The following TDRD12 variants were observed in gnomAD, a reference collection of about 807,000 sequenced individuals.
The protein encoded by TDRD12 is tudor domain containing 12.
In TDRD12, 158 loss-of-function variants were observed where a neutral mutation model predicts 133.5. That is an observed-to-expected ratio of 1.18 (90% confidence interval 1.04 to 1.35). TDRD12 has a LOEUF of 1.35. TDRD12 is among the 40% of genes most tolerant of loss of function. TDRD12 has a pLI of 0.00. For missense variants in TDRD12, 1,443 were observed against 1,321.3 expected (o/e 1.09, Z -1.43); for synonymous variants, 460 against 477.9 (o/e 0.96, Z 0.49).
chr19:32,813,996 C>T (rs944823548), intron 25 of TDRD12, among the ~76,000 whole-genome samples: 2 of 152,324 alleles, frequency 1.3e-5, no homozygotes, highest in African/African-American at 4.8e-5. Context: ...CCAGCGCACA[C>T]GTGCATTGTG....
In TDRD12 at chr19:32,780,114, C is replaced by T. The variant is rs368736793; in HGVS notation, c.1121+2885C>T. Among the ~76,000 whole-genome samples the T allele has an allele frequency of 2.2e-4, 29 of 134,348 alleles. No individual in the cohort carries two copies. In the East Asian group the frequency reaches 6.3e-3, roughly 29 times the overall value. The allele number at this position is 134,348 out of a possible 152,430, so 88.1% of individuals were successfully genotyped here. Reference sequence around the variant, plus strand: ...TTTTTTTTTTTTTGAGACAGAGTCTCGCTCTGTAGCCCAGGCTTGAGTGCA... The same window carrying T: ...TTTTTTTTTTTTTGAGACAGAGTCTTGCTCTGTAGCCCAGGCTTGAGTGCA... On this transcript the variant is annotated intron_variant, in intron 11 of 27. Coordinates refer to ENST00000444215, the Ensembl canonical transcript of TDRD12.
intron 13 of TDRD12, among the ~76,000 whole-genome samples, chr19:32,791,522 G>C (rs1428580028): frequency 6.6e-6 from 1 of 152,080 alleles, no homozygotes; most frequent in Non-Finnish European, 1.5e-5. Flanking sequence ...TTTTAAGATA[G>C]GAAGCTAAAA....
intron 14 of TDRD12, chr19:32,796,184 C>T (rs887712071): frequency 8.1e-6 from 8 of 985,138 alleles, no homozygotes; most frequent in African/African-American, 3.5e-5. Flanking sequence ...GTGCTCCAGA[C>T]GGGGCTCCAC....
chr19:32,755,733 AG>A (rs1389553316), intron 6 of TDRD12, among the ~76,000 whole-genome samples: 1 of 152,188 alleles, frequency 6.6e-6, no homozygotes, highest in Non-Finnish European at 1.5e-5. Flanking sequence ...TTGCCTGGCC[AG>A]GTAGTTTTAG....
intron 2 of TDRD12, among the ~76,000 whole-genome samples, chr19:32,733,817 C>T (rs1219402797): frequency 4.6e-5 from 7 of 151,912 alleles, no homozygotes; most frequent in African/African-American, 1.7e-4. Flanking sequence ...TTTCCCTGAT[C>T]TCTTAAGACT....
chr19:32,756,254 G>A (rs1442047885), intron 7 of TDRD12, 73 bp downstream of exon 7: 8 of 1,258,294 alleles, frequency 6.4e-6, no homozygotes, highest in Non-Finnish European at 7.2e-6. Context: ...GATATAAGTT[G>A]TACAGACTTT....
chr19:32,772,602 G>A (rs903127557), intron 8 of TDRD12, 151 bp from the exon 9 acceptor site: 130 of 484,190 alleles, frequency 2.7e-4, no homozygotes, highest in Middle Eastern at 5.7e-4. Context: ...TAATCCCCTC[G>A]AGTAAGGTTT....
chr19:32,781,916 A>T (rs1599578416), intron 11 of TDRD12, among the ~76,000 whole-genome samples: 1 of 150,980 alleles, frequency 6.6e-6, no homozygotes, highest in Non-Finnish European at 1.5e-5. Context: ...AACCTCTGTG[A>T]CTCGTATGTT....
intron 10 of TDRD12, among the ~76,000 whole-genome samples, chr19:32,775,490 C>G (rs1381837312): frequency 1.3e-5 from 2 of 152,158 alleles, no homozygotes; most frequent in African/African-American, 4.8e-5. Flanking sequence ...ACCACCACAG[C>G]TGGCTAACAT....
chr19:32,742,545 A>G (rs2145482199), intron 3 of TDRD12, among the ~76,000 whole-genome samples: 1 of 152,280 alleles, frequency 6.6e-6, no homozygotes, highest in East Asian at 1.9e-4. Context: ...TCTATGTGCC[A>G]TATCCGTGCT....
intron 14 of TDRD12, among the ~76,000 whole-genome samples, chr19:32,796,810 CTG>C (rs1230600494): frequency 6.6e-6 from 1 of 152,066 alleles, no homozygotes; most frequent in Non-Finnish European, 1.5e-5. Context: ...GCTTTCAGGC[CTG>C]TGTCTGGAAG....
chr19:32,777,286 A>ACGTCG, intron 11 of TDRD12, 57 bp downstream of exon 11: 1 of 1,082,798 alleles, frequency 9.2e-7, no homozygotes, highest in Non-Finnish European at 1.3e-6. Context: ...ATAAAATTAT[A>ACGTCG]AACAAGAGAA....
intron 11 of TDRD12, among the ~76,000 whole-genome samples, chr19:32,782,729 A>AT (rs1272594249): frequency 1.3e-5 from 2 of 152,134 alleles, no homozygotes; most frequent in South Asian, 2.1e-4. Context: ...GATGATGAGC[A>AT]TTTTTTCATA....
At chr19:32,813,090 C>T (rs964549168) in intron 24 of TDRD12, among the ~76,000 whole-genome samples, 1 of 152,048 alleles carries the variant, frequency 6.6e-6, no homozygotes, top group African/African-American at 2.4e-5. Flanking sequence ...TAAGGAGGAT[C>T]GCTGGCACCC....
chr19:32,805,276 A>G (rs1038578348), intron 21 of TDRD12, among the ~76,000 whole-genome samples: 3 of 150,136 alleles, frequency 2.0e-5, no homozygotes, highest in Non-Finnish European at 4.4e-5. Context: ...CCAGCTACTC[A>G]GGAGCCTTGG....
intron 11 of TDRD12, among the ~76,000 whole-genome samples, chr19:32,783,815 A>G (rs1435663167): frequency 2.0e-5 from 3 of 152,190 alleles, no homozygotes; most frequent in African/African-American, 7.2e-5. Context: ...TTGATTTTAT[A>G]TCCTGAGACT....
At chr19:32,744,263 G>A (rs1444340916) in intron 4 of TDRD12, among the ~76,000 whole-genome samples, 1 of 151,812 alleles carries the variant, frequency 6.6e-6, no homozygotes, top group Non-Finnish European at 1.5e-5. Context: ...CACTTTGGGA[G>A]GCTGAGGCAG....
chr19:32,790,710 C>T, intron 12 of TDRD12, 119 bp downstream of exon 12: 4 of 1,550,220 alleles, frequency 2.6e-6, no homozygotes, highest in South Asian at 1.2e-5. Flanking sequence ...AGATGGGGGA[C>T]TTAACCTGAA....
chr19:32,786,101 A>G (rs577116552), intron 11 of TDRD12, among the ~76,000 whole-genome samples: 53 of 152,284 alleles, frequency 3.5e-4, no homozygotes, highest in African/African-American at 1.3e-3. Flanking sequence ...TACTTCCTTC[A>G]GGAGCTCTTG....
Sources: gnomAD v4.1 joint callset for allele counts (sites outside exome capture counted in the v4.1 genomes callset) on GRCh38, gnomAD v4.1.1 for gene constraint, MANE v1.5 for transcripts, NCBI Gene and HGNC (gene_info 2026-07-23, HGNC 2026-07-21) for gene names.